The following OARD1 variants were observed in gnomAD, a reference collection of about 807,000 sequenced individuals.
OARD1 encodes O-acyl-ADP-ribose deacylase 1.
A neutral mutation model predicts 19.7 loss-of-function variants in OARD1; 19 were observed. The ratio of observed to expected loss-of-function variants is 0.96; its 90% CI spans 0.67 to 1.41. OARD1 has a LOEUF of 1.41. OARD1 is among the 40% of genes most tolerant of loss of function. OARD1 has a pLI of 0.00. For missense variants in OARD1, 190 were observed against 183.8 expected (o/e 1.03, Z -0.20); for synonymous variants, 70 against 61.8 (o/e 1.13, Z -0.62).
chr6:41,071,224 G>A lies in OARD1; in HGVS notation c.92C>T (p.Ala31Val). ...GCGACAATCCTCACTGATACAGTGG[G>A]CTAAAGAGTCTGTTTTCGGGCATGC... is the stretch of plus-strand genomic sequence containing the variant. ...LFACPKTDSL[A>V]HCISEDCRMG... The change falls in exon 3 of 6, where the codon GCC (alanine) becomes GTC (valine). Residue 31 changes from alanine to valine, a missense_variant. Transcript: ENST00000424266. 1 of 1,614,020 alleles carries A rather than the reference G, an allele frequency of 6.2e-7. No homozygotes were observed.
At position 41,070,145 on chromosome 6, in the gene OARD1, G is replaced by T. The variant is rs1191469336; in HGVS notation, c.185-11C>A. The T allele has an allele frequency of 4.2e-6, 6 of 1,428,732 alleles. No individual in the cohort carries two copies. In the African/African-American group the frequency reaches 7.1e-5, roughly 17 times the overall value. 88.5% of individuals were successfully genotyped at this position (1,428,732 alleles called of 1,614,324 possible). A position where few individuals can be genotyped will look rare whatever the true frequency, so the allele number is the denominator to read the frequency against. Reference sequence around the variant, plus strand: ...CTCCAGATTTCTTTTCTAAGAAAAAGTTATTTAATAGTAGAAATGAAAAAG... The same window carrying T: ...CTCCAGATTTCTTTTCTAAGAAAAATTTATTTAATAGTAGAAATGAAAAAG... On this transcript the variant is annotated splice_polypyrimidine_tract_variant and intron_variant, in intron 3 of 5. Coordinates refer to ENST00000424266, the MANE Select transcript of OARD1 (RefSeq NM_001329686.2).
At chr6:41,090,172 T>C (rs1394102918) in intron 1 of OARD1, 5 of 1,371,180 alleles carry the variant, frequency 3.6e-6, no homozygotes, top group Non-Finnish European at 5.2e-6. Flanking sequence ...CTTTGGGATC[T>C]GTTGAATTGT....
chr6:41,076,412 C>G (rs1035288257), upstream of OARD1, among the ~76,000 whole-genome samples: 1 of 152,162 alleles, frequency 6.6e-6, no homozygotes, highest in African/African-American at 2.4e-5. Flanking sequence ...AGTTAAAAAG[C>G]TACTGTTCTA....
chr6:41,084,821 G>T (rs1299731775), intron 1 of OARD1, among the ~76,000 whole-genome samples: 6 of 152,200 alleles, frequency 3.9e-5, no homozygotes, highest in Non-Finnish European at 8.8e-5. Context: ...AATTAGCCGG[G>T]CGTGGTGGCA....
intron 1 of OARD1, among the ~76,000 whole-genome samples, chr6:41,097,096 A>C (rs925776061): frequency 2.7e-4 from 41 of 152,198 alleles, no homozygotes; most frequent in African/African-American, 9.6e-4. Context: ...GTTCTTAGGA[A>C]AGAGATACAC....
chr6:41,091,837 T>C, intron 1 of OARD1: 3 of 895,828 alleles, frequency 3.3e-6, no homozygotes, highest in Non-Finnish European at 5.0e-6. Flanking sequence ...ACAATAACAT[T>C]ATGACAAACC....
At chr6:41,087,434 T>C (rs1227390326) in intron 1 of OARD1, among the ~76,000 whole-genome samples, 1 of 152,180 alleles carries the variant, frequency 6.6e-6, no homozygotes, top group Non-Finnish European at 1.5e-5. Context: ...ATGTTCTTCT[T>C]TCCAGACCAA....
rs1762995976 is a variant in OARD1, at chr6:41,066,083, T to C, written c.*1252A>G. 1 of 152,180 alleles carries C rather than the reference T, an allele frequency of 6.6e-6. No individual in the cohort carries two copies. Among genetic ancestry groups the C allele is most frequent in the African/African-American group, 2.4e-5 (1 of 41,402 alleles). 9.4% of individuals were successfully genotyped at this position (152,180 alleles called of 1,614,324 possible). ...CAGCTGGCTGCACATCCAAATCTTC[T>C]ATGGAGGTTAAAAACACAAAAGTGG... On this transcript the variant is annotated 3_prime_UTR_variant, in exon 6 of 6. Coordinates refer to ENST00000424266, the MANE Select transcript of OARD1 (RefSeq NM_001329686.2).
intron 1 of OARD1, among the ~76,000 whole-genome samples, chr6:41,084,976 AT>A (rs1306542262): frequency 6.6e-5 from 10 of 152,198 alleles, no homozygotes; most frequent in Non-Finnish European, 1.3e-4. Flanking sequence ...AAAAGAAGAG[AT>A]TAACAGAAAT....
chr6:41,086,366 A>G (rs1764043847), intron 1 of OARD1, among the ~76,000 whole-genome samples: 1 of 152,204 alleles, frequency 6.6e-6, no homozygotes, highest in Non-Finnish European at 1.5e-5. Context: ...TTATTTTGCT[A>G]TAAGGAACCT....
chr6:41,091,224 T>C (rs1390051702), intron 1 of OARD1, among the ~76,000 whole-genome samples: 4 of 152,222 alleles, frequency 2.6e-5, no homozygotes, highest in Non-Finnish European at 4.4e-5. Context: ...GCAGTAGGTA[T>C]AGCTGTAGTC....
At chr6:41,070,222 T>C in intron 3 of OARD1, 88 bp from the exon 4 acceptor site, 1 of 775,406 alleles carries the variant, frequency 1.3e-6, no homozygotes, top group Non-Finnish European at 2.2e-6. Context: ...GATCTGAGTT[T>C]ACCTCAGAAC....
chr6:41,093,284 A>G (rs1764243894), intron 1 of OARD1, among the ~76,000 whole-genome samples: 1 of 152,224 alleles, frequency 6.6e-6, no homozygotes, highest in South Asian at 2.1e-4. Flanking sequence ...ACAGTGGCTT[A>G]AATAAGATGT....
chr6:41,096,448 T>C (rs1764360423), intron 1 of OARD1, among the ~76,000 whole-genome samples: 2 of 152,258 alleles, frequency 1.3e-5, no homozygotes. Context: ...CTTTTATTTT[T>C]ATCTGTAAAG....
intron 1 of OARD1, chr6:41,089,431 G>T: frequency 1.4e-6 from 1 of 735,526 alleles, no homozygotes. Context: ...AATAAGTTGT[G>T]TCTACTTCAT....
upstream of OARD1, among the ~76,000 whole-genome samples, chr6:41,075,913 AAC>A (rs1196710680): frequency 6.6e-6 from 1 of 152,210 alleles, no homozygotes; most frequent in Non-Finnish European, 1.5e-5. Flanking sequence ...AAACCTTCAG[AAC>A]AGTGTCTGGC....
At chr6:41,094,373 A>C (rs1764289739) in intron 1 of OARD1, 2 of 1,603,312 alleles carry the variant, frequency 1.2e-6, no homozygotes, top group Admixed American at 1.7e-5. Context: ...TTAATAGTTA[A>C]ATGGTTTTAT....
intron 1 of OARD1, chr6:41,089,841 C>G: frequency 7.7e-7 from 1 of 1,297,782 alleles, no homozygotes; most frequent in Non-Finnish European, 1.0e-6. Context: ...TATTTTTGGC[C>G]GGGCGCGGTG....
chr6:41,081,208 G>A (rs763504629), intron 1 of OARD1, among the ~76,000 whole-genome samples: 56 of 152,204 alleles, frequency 3.7e-4, no homozygotes, highest in South Asian at 2.7e-3. Flanking sequence ...TTCAGGGCTC[G>A]GCCGGGCGCG....
Sources: allele counts gnomAD v4.1 joint callset (sites outside exome capture counted in the v4.1 genomes callset), GRCh38; gene constraint gnomAD v4.1.1; transcripts MANE v1.5; gene names NCBI Gene and HGNC (gene_info 2026-07-23, HGNC 2026-07-21).